The following CIMIP6 variants were observed in gnomAD, a reference collection of about 807,000 sequenced individuals.
CIMIP6 encodes the protein uncharacterized protein C2orf73.
the CIMIP6 span, chr2:54,361,174 A>C: frequency 2.0e-5 from 3 of 152,220 alleles, no homozygotes; most frequent in Non-Finnish European, 4.4e-5. Context: ...ATATAATTAA[A>C]AGTGTGAAAA....
At chr2:54,360,232 A>G in the CIMIP6 span, 2 of 1,602,970 alleles carry the variant, frequency 1.2e-6, no homozygotes, top group Non-Finnish European at 1.7e-6. Context: ...AGAGAGAGAT[A>G]AAACCAGGCA....
At chr2:54,332,119 C>G in the CIMIP6 span, among the ~76,000 whole-genome samples, 2 of 152,176 alleles carry the variant, frequency 1.3e-5, no homozygotes, top group East Asian at 3.8e-4. Context: ...TGCTGGGAAG[C>G]TTTGGCAGTT....
the CIMIP6 span, among the ~76,000 whole-genome samples, chr2:54,358,618 C>T: frequency 1.3e-5 from 2 of 152,256 alleles, no homozygotes; most frequent in African/African-American, 4.8e-5. Flanking sequence ...AGTCCTCAAA[C>T]TCCTGGGCTC....
chr2:54,347,646 TC>T, the CIMIP6 span, among the ~76,000 whole-genome samples: 1 of 151,934 alleles, frequency 6.6e-6, no homozygotes, highest in Non-Finnish European at 1.5e-5. Flanking sequence ...TCATAAGGGA[TC>T]CCCCAAAATC....
At chr2:54,373,712 A>C in the CIMIP6 span, among the ~76,000 whole-genome samples, 23 of 152,306 alleles carry the variant, frequency 1.5e-4, no homozygotes, top group South Asian at 4.8e-3. Context: ...TTGGCATGGC[A>C]TCAGTGACCT....
the CIMIP6 span, among the ~76,000 whole-genome samples, chr2:54,357,387 T>A: frequency 3.3e-5 from 5 of 152,168 alleles, no homozygotes; most frequent in Non-Finnish European, 7.3e-5. Flanking sequence ...AAATTTTATT[T>A]TTTAACAGTT....
At chr2:54,334,108 C>G in the CIMIP6 span, among the ~76,000 whole-genome samples, 2 of 152,040 alleles carry the variant, frequency 1.3e-5, no homozygotes, top group Non-Finnish European at 1.5e-5. Flanking sequence ...ATATTTCATT[C>G]TTTATTTTTC....
At chr2:54,360,283 C>T in the CIMIP6 span, 2 of 1,612,084 alleles carry the variant, frequency 1.2e-6, no homozygotes, top group East Asian at 2.2e-5. Flanking sequence ...TATTACTGAA[C>T]ACTCCAGGGT....
chr2:54,343,238 A>G, the CIMIP6 span, among the ~76,000 whole-genome samples: 2 of 152,198 alleles, frequency 1.3e-5, no homozygotes, highest in Non-Finnish European at 2.9e-5. Context: ...ATGTATGTAT[A>G]GCATTGTGTG....
At chr2:54,347,552 A>G in the CIMIP6 span, among the ~76,000 whole-genome samples, 1 of 152,158 alleles carries the variant, frequency 6.6e-6, no homozygotes, top group African/African-American at 2.4e-5. Context: ...CAGCTACTCA[A>G]GTTGAAGGGA....
the CIMIP6 span, among the ~76,000 whole-genome samples, chr2:54,350,284 C>A: frequency 6.6e-6 from 1 of 152,224 alleles, no homozygotes; most frequent in African/African-American, 2.4e-5. Flanking sequence ...TAACAAGCTA[C>A]CTCAAATTTA....
the CIMIP6 span, chr2:54,343,958 T>C: frequency 8.4e-7 from 1 of 1,195,908 alleles, no homozygotes. Context: ...TCCGGACAGC[T>C]CCTGAAAATA....
the CIMIP6 span, chr2:54,343,639 C>A: frequency 4.0e-6 from 4 of 1,007,820 alleles, no homozygotes; most frequent in South Asian, 3.0e-5. Flanking sequence ...AATTGAATTA[C>A]TGAATATCCA....
At chr2:54,366,205 C>T in the CIMIP6 span, among the ~76,000 whole-genome samples, 2 of 152,148 alleles carry the variant, frequency 1.3e-5, no homozygotes, top group Non-Finnish European at 1.5e-5. Flanking sequence ...GCATGTGCAA[C>T]TTCTAAAAAT....
chr2:54,334,980 G>T, the CIMIP6 span: 2 of 1,605,548 alleles, frequency 1.2e-6, no homozygotes, highest in South Asian at 2.2e-5. Context: ...AACATACAAT[G>T]AACCATTTCC....
the CIMIP6 span, among the ~76,000 whole-genome samples, chr2:54,358,504 C>T: frequency 2.6e-5 from 4 of 151,888 alleles, no homozygotes; most frequent in African/African-American, 7.3e-5. Flanking sequence ...TGGGCTCAAG[C>T]GATCCTCCCA....
chr2:54,372,374 G>A, the CIMIP6 span, among the ~76,000 whole-genome samples: 1 of 152,114 alleles, frequency 6.6e-6, no homozygotes, highest in Non-Finnish European at 1.5e-5. Flanking sequence ...AGCCGTATTT[G>A]TCCCCTTGTT....
chr2:54,341,666 G>A, the CIMIP6 span, among the ~76,000 whole-genome samples: 2 of 152,182 alleles, frequency 1.3e-5, no homozygotes, highest in African/African-American at 2.4e-5. Context: ...TTTGAATTGT[G>A]GCAGTGCAGC....
At chr2:54,369,686 C>A in the CIMIP6 span, among the ~76,000 whole-genome samples, 6 of 152,160 alleles carry the variant, frequency 3.9e-5, no homozygotes, top group Non-Finnish European at 7.3e-5. Flanking sequence ...CTACTGAGTG[C>A]ATTTGTTTTC....
Sources: allele counts gnomAD v4.1 joint callset (sites outside exome capture counted in the v4.1 genomes callset), GRCh38; gene constraint gnomAD v4.1.1; transcripts MANE v1.5; gene names NCBI Gene and HGNC (gene_info 2026-07-23, HGNC 2026-07-21).